FAM107B: variants seen among roughly 807,000 people sequenced by gnomAD.
FAM107B encodes protein FAM107B.
A neutral mutation model predicts 31.5 loss-of-function variants in FAM107B; 21 were observed. The ratio of observed to expected loss-of-function variants is 0.67; its 90% CI spans 0.47 to 0.96. The LOEUF (loss-of-function observed/expected upper bound fraction) is 0.96, where lower values mean the gene tolerates loss of function less well. Among genes scored for constraint, FAM107B ranks in the 40% least tolerant of loss-of-function variants. The pLI is 0.00. For synonymous variants in FAM107B, 157 were observed against 141.5 expected (o/e 1.11, Z -0.78); for missense variants, 452 against 377.1 (o/e 1.20, Z -1.64).
chr10:14,746,658 G>A (rs1286773683), intron 1 of FAM107B, among the ~76,000 whole-genome samples: 1 of 152,182 alleles, frequency 6.6e-6, no homozygotes, highest in Non-Finnish European at 1.5e-5. Flanking sequence ...TCTACTGAGA[G>A]GTCCACTGTC....
chr10:14,594,828 C>T (rs1042844842), intron 2 of FAM107B, among the ~76,000 whole-genome samples: 3 of 152,144 alleles, frequency 2.0e-5, no homozygotes, highest in African/African-American at 7.2e-5. Flanking sequence ...AACAAATGCT[C>T]GGGAAATGCT....
chr10:14,557,082 T>C (rs992846387), intron 2 of FAM107B, among the ~76,000 whole-genome samples: 1 of 152,238 alleles, frequency 6.6e-6, no homozygotes, highest in Non-Finnish European at 1.5e-5. Context: ...TGGCTCTTCC[T>C]CACCTTCTCA....
intron 2 of FAM107B, among the ~76,000 whole-genome samples, chr10:14,623,799 TG>T (rs1185303210): frequency 1.3e-5 from 2 of 152,282 alleles, no homozygotes; most frequent in East Asian, 1.9e-4. Context: ...CACTCCAGCC[TG>T]GGGGACAGAC....
At chr10:14,604,997 C>T (rs914279059) in intron 2 of FAM107B, among the ~76,000 whole-genome samples, 2 of 152,146 alleles carry the variant, frequency 1.3e-5, no homozygotes, top group Non-Finnish European at 2.9e-5. Flanking sequence ...TCCTGGGTGT[C>T]CGGGCTCCGT....
At chr10:14,521,796 C>T (rs989400801) in intron 4 of FAM107B, 73 bp downstream of exon 4, 2 of 1,564,840 alleles carry the variant, frequency 1.3e-6, no homozygotes, top group African/African-American at 1.4e-5. Context: ...CTGGTAAATC[C>T]TGCCCGCTCC....
chr10:14,526,840 ATT>A (rs1166706903), intron 3 of FAM107B, among the ~76,000 whole-genome samples: 5 of 147,772 alleles, frequency 3.4e-5, no homozygotes, highest in African/African-American at 7.5e-5. Context: ...AGAAATATTA[ATT>A]TTTTTTTTTT....
intron 1 of FAM107B, among the ~76,000 whole-genome samples, chr10:14,686,460 A>G (rs17155758): frequency 0.7 from 105,724 of 151,606 alleles, 37,109 homozygotes; most frequent in Middle Eastern, 0.8. Flanking sequence ...CCCTATCACC[A>G]TCTCAGAAGG....
At chr10:14,724,103 A>G (rs892329822) in intron 1 of FAM107B, 1 of 595,624 alleles carries the variant, frequency 1.7e-6, no homozygotes, top group South Asian at 1.8e-5. Flanking sequence ...AACAATGCCA[A>G]ATGGACTCCT....
At chr10:14,659,801 T>G (rs1017076778) in intron 2 of FAM107B, among the ~76,000 whole-genome samples, 2 of 152,220 alleles carry the variant, frequency 1.3e-5, no homozygotes, top group Admixed American at 6.5e-5. Context: ...GAACTCCAAG[T>G]GTCATGGACC....
At position 14,718,016 on chromosome 10, in the gene FAM107B, G is replaced by A. The variant is rs138582548; in HGVS notation, c.412-50325C>T. ...TCATGTTTTGGTTCTTGGTTCCTGG[G>A]GGTCCAGGAGAAGAAATATATTGAA... On this transcript the variant is annotated intron_variant, in intron 1 of 4. Coordinates refer to ENST00000181796, the MANE Select transcript of FAM107B (RefSeq NM_031453.4). Among the ~76,000 whole-genome samples the A allele has an allele frequency of 3.2e-4, 49 of 152,204 alleles. 1 individual carries two copies. Among genetic ancestry groups the A allele is most frequent in the African/African-American group, 1.1e-3 (47 of 41,538 alleles).
intron 1 of FAM107B, among the ~76,000 whole-genome samples, chr10:14,689,078 G>A (rs60485498): frequency 0.11 from 16,735 of 152,050 alleles, 1,439 homozygotes; most frequent in East Asian, 0.24. Flanking sequence ...TGGGAAATAC[G>A]AGAACCAACA....
At chr10:14,574,368 T>C (rs1851400101) in intron 2 of FAM107B, among the ~76,000 whole-genome samples, 2 of 152,264 alleles carry the variant, frequency 1.3e-5, no homozygotes, top group African/African-American at 4.8e-5. Flanking sequence ...CTACACATTA[T>C]TAACAAGGAT....
chr10:14,748,585 AC>A (rs1832770795), intron 1 of FAM107B, among the ~76,000 whole-genome samples: 1 of 152,250 alleles, frequency 6.6e-6, no homozygotes, highest in African/African-American at 2.4e-5. Flanking sequence ...AACAGTGGCC[AC>A]TAAGCAAATT....
intron 1 of FAM107B, among the ~76,000 whole-genome samples, chr10:14,671,342 A>G (rs948641946): frequency 9.2e-5 from 14 of 152,314 alleles, no homozygotes; most frequent in Admixed American, 9.2e-4. Context: ...AATGGTGAGT[A>G]AAACAGGGTT....
intron 1 of FAM107B, among the ~76,000 whole-genome samples, chr10:14,696,297 T>C (rs1164999830): frequency 1.3e-5 from 2 of 152,246 alleles, no homozygotes; most frequent in Non-Finnish European, 2.9e-5. Flanking sequence ...CATGGATTGA[T>C]TTGCATATGT....
intron 1 of FAM107B, among the ~76,000 whole-genome samples, chr10:14,687,040 C>T (rs1855006531): frequency 6.6e-6 from 1 of 152,228 alleles, no homozygotes; most frequent in South Asian, 2.1e-4. Flanking sequence ...CATGGCGAAG[C>T]CTCAGAGATG....
At chr10:14,558,802 T>C (rs1849943228) in intron 2 of FAM107B, among the ~76,000 whole-genome samples, 2 of 152,088 alleles carry the variant, frequency 1.3e-5, no homozygotes. Context: ...CTGCCAGGTG[T>C]AGTGAAAATG....
chr10:14,690,111 T>C (rs1211456136), intron 1 of FAM107B, among the ~76,000 whole-genome samples: 3 of 152,068 alleles, frequency 2.0e-5, no homozygotes, highest in African/African-American at 7.2e-5. Flanking sequence ...GACCCATCCT[T>C]CTCCTCCTGC....
intron 2 of FAM107B, among the ~76,000 whole-genome samples, chr10:14,563,785 C>T (rs775649905): frequency 6.6e-5 from 10 of 152,172 alleles, no homozygotes; most frequent in Non-Finnish European, 1.3e-4. Flanking sequence ...CAACCTACCC[C>T]GACAGACTGA....
Sources: allele counts gnomAD v4.1 joint callset (sites outside exome capture counted in the v4.1 genomes callset), GRCh38; gene constraint gnomAD v4.1.1; transcripts MANE v1.5; gene names NCBI Gene and HGNC (gene_info 2026-07-23, HGNC 2026-07-21).